FBN1: variants seen among roughly 807,000 people sequenced by gnomAD.
FBN1 encodes fibrillin-1.
FBN1 carries 29 observed loss-of-function variants against 365.1 expected under a neutral mutation model. The ratio of observed to expected loss-of-function variants is 0.08; its 90% confidence interval spans 0.06 to 0.11. The LOEUF (loss-of-function observed/expected upper bound fraction) is 0.11, where lower values mean the gene tolerates loss of function less well. FBN1 is among the 10% of genes least tolerant of loss of function. The pLI is 1.00. For missense variants in FBN1, 2,476 were observed against 3,703.2 expected (o/e 0.67, Z 8.60); for synonymous variants, 1,210 against 1,270.5 (o/e 0.95, Z 1.01).
intron 63 of FBN1, among the ~76,000 whole-genome samples, chr15:48,416,971 GAA>G (rs1380662306): frequency 6.6e-6 from 1 of 152,192 alleles, no homozygotes; most frequent in East Asian, 1.9e-4. Context: ...ACAATCCTGA[GAA>G]AGAGGTATTA....
chr15:48,539,979 G>A (rs949045945), intron 6 of FBN1, among the ~76,000 whole-genome samples: 2 of 152,114 alleles, frequency 1.3e-5, no homozygotes, highest in Admixed American at 6.5e-5. Flanking sequence ...CTGAGCTGTT[G>A]AATAAATCTC....
intron 8 of FBN1, 32 bp from the exon 9 acceptor site, chr15:48,526,287 G>A: frequency 6.2e-7 from 1 of 1,612,430 alleles, no homozygotes; most frequent in South Asian, 1.1e-5. Context: ...CTCAGCATTT[G>A]TAGAACACAA....
chr15:48,589,912 T>C (rs1421720704), intron 6 of FBN1, among the ~76,000 whole-genome samples: 5 of 152,100 alleles, frequency 3.3e-5, no homozygotes. Flanking sequence ...CACCACGCCC[T>C]GCCACATTGT....
At chr15:48,609,422 C>T (rs1191410167) in intron 4 of FBN1, among the ~76,000 whole-genome samples, 1 of 152,172 alleles carries the variant, frequency 6.6e-6, no homozygotes, top group African/African-American at 2.4e-5. Flanking sequence ...GTAGTTTGTT[C>T]TGAAAGTAAT....
chr15:48,456,843 C>CAT (rs1555396452), intron 43 of FBN1, 81 bp from the exon 44 acceptor site: 24 of 742,922 alleles, frequency 3.2e-5, no homozygotes, highest in Non-Finnish European at 4.8e-5. Context: ...AAAGTGCGTG[C>CAT]GTGTGTGTGT....
At chr15:48,619,580 A>T (rs1341329259) in intron 2 of FBN1, among the ~76,000 whole-genome samples, 28 of 151,926 alleles carry the variant, frequency 1.8e-4, no homozygotes, top group Admixed American at 1.8e-3. Context: ...TACCATCTCA[A>T]ACTCAATTTA....
At chr15:48,462,683 G>A (rs886104726) in intron 42 of FBN1, among the ~76,000 whole-genome samples, 1 of 152,084 alleles carries the variant, frequency 6.6e-6, no homozygotes, top group African/African-American at 2.4e-5. Flanking sequence ...TTTGTAGGCT[G>A]CCTTTAACTA....
chr15:48,532,180 T>C (rs1428270511), intron 8 of FBN1, among the ~76,000 whole-genome samples: 1 of 152,218 alleles, frequency 6.6e-6, no homozygotes, highest in Non-Finnish European at 1.5e-5. Context: ...CTTGTCTGAA[T>C]GAAAAGCAAG....
intron 37 of FBN1, 123 bp downstream of exon 37, chr15:48,468,289 A>G (rs2043339700): frequency 7.2e-7 from 1 of 1,392,934 alleles, no homozygotes; most frequent in East Asian, 2.3e-5. Flanking sequence ...TCTAAAGTAG[A>G]GTTAGGAAAT....
chr15:48,510,658 C>G (rs1305102161), intron 13 of FBN1, among the ~76,000 whole-genome samples: 1 of 152,166 alleles, frequency 6.6e-6, no homozygotes, highest in Non-Finnish European at 1.5e-5. Flanking sequence ...TATACCAATT[C>G]TGGTTTACGT....
chr15:48,552,276 CTTT>C (rs71432262), intron 6 of FBN1, among the ~76,000 whole-genome samples: 1 of 139,956 alleles, frequency 7.1e-6, no homozygotes, highest in African/African-American at 2.6e-5. Context: ...CTTTTTTTTT[CTTT>C]TTTTTTTTTT....
rs148694629 is a variant in FBN1 at position 48,506,106 on chromosome 15, C to A, written c.1838-959G>T. 1.6e-3 allele frequency among the ~76,000 whole-genome samples: 244 copies of A among 152,156 alleles called. 1 individual carries two copies. The highest frequency in any genetic ancestry group is 2.9e-3 in the Non-Finnish European group (200 of 68,004). Reference sequence around the variant, plus strand: ...GGCATGATGGCATGCGGCTATAATCCCAGCAACTTGGGAGGCTGAGGCGCA... The same window carrying A: ...GGCATGATGGCATGCGGCTATAATCACAGCAACTTGGGAGGCTGAGGCGCA... On this transcript the variant is annotated intron_variant, in intron 15 of 65. Coordinates refer to ENST00000316623, the MANE Select transcript of FBN1 (RefSeq NM_000138.5).
intron 35 of FBN1, among the ~76,000 whole-genome samples, chr15:48,471,815 G>A (rs748504476): frequency 6.6e-6 from 1 of 152,196 alleles, no homozygotes; most frequent in Non-Finnish European, 1.5e-5. Flanking sequence ...TTTCAATGAA[G>A]GAGAATGTGC....
rs587780941 is a variant in FBN1 at position 48,644,629 on chromosome 15, A to G, written c.141T>C (p.Gly47=). ...ACCCTTTAAGCGCGTCGTGTCCTCC[A>G]CCGCCTCTTCTCTTGGCCCGACTGG... ...TRASRAKRRG[G]GGHDALKGPN... Residue 47 remains glycine, a synonymous_variant, in exon 2 of 66, where the codon GGT becomes GGC. Coordinates refer to ENST00000316623, the MANE Select transcript of FBN1 (RefSeq NM_000138.5). The G allele has an allele frequency of 1.9e-6, 3 of 1,613,914 alleles. No homozygotes were observed. In the African/African-American group the frequency reaches 4.0e-5, roughly 22 times the overall value.
At chr15:48,602,114 C>T (rs1480896702) in intron 4 of FBN1, among the ~76,000 whole-genome samples, 3 of 152,114 alleles carry the variant, frequency 2.0e-5, no homozygotes, top group Non-Finnish European at 2.9e-5. Flanking sequence ...CTCTTTGTCT[C>T]CTTGCCCCTA....
chr15:48,610,020 G>T (rs925849924), intron 4 of FBN1, among the ~76,000 whole-genome samples: 1 of 152,132 alleles, frequency 6.6e-6, no homozygotes, highest in Non-Finnish European at 1.5e-5. Flanking sequence ...AAAAAGAAAC[G>T]GAAAAGGGAC....
intron 35 of FBN1, among the ~76,000 whole-genome samples, 161 bp downstream of exon 35, chr15:48,472,389 GC>G (rs1210957863): frequency 6.6e-6 from 1 of 150,476 alleles, no homozygotes. Context: ...GAAATGGTCA[GC>G]TGGAAACCTA....
At chr15:48,645,258 C>T (rs1173661998) in intron 1 of FBN1, among the ~76,000 whole-genome samples, 2 of 152,158 alleles carry the variant, frequency 1.3e-5, no homozygotes, top group African/African-American at 4.8e-5. Context: ...GCACGAATTG[C>T]GCGCGATGCG....
rs568286929 is a variant in FBN1, at chr15:48,613,995, T to C, written c.165-903A>G. Among the ~76,000 whole-genome samples, 519 of 152,340 alleles carry C rather than the reference T, an allele frequency of 3.4e-3. 1 individual carries two copies. Among genetic ancestry groups the C allele is most frequent in the Middle Eastern group, 6.8e-3 (2 of 294 alleles). ...CAAGAAAATAAAATCAGTGTCACTC[T>C]GGGTTTCTTGTTTACAGACAGTTCA... On this transcript the variant is annotated intron_variant, in intron 2 of 65. Transcript: ENST00000316623.
Sources: allele counts gnomAD v4.1 joint callset (sites outside exome capture counted in the v4.1 genomes callset), GRCh38; gene constraint gnomAD v4.1.1; transcripts MANE v1.5; gene names NCBI Gene and HGNC (gene_info 2026-07-23, HGNC 2026-07-21).